CARMIL1: variants seen among roughly 807,000 people sequenced by gnomAD.
CARMIL1 encodes the protein F-actin-uncapping protein LRRC16A.
CARMIL1 carries 90 observed loss-of-function variants against 177.1 expected under a neutral mutation model. That is an observed-to-expected ratio of 0.51 (90% confidence interval 0.43 to 0.61). The LOEUF is 0.61. CARMIL1 is among the 20% of genes least tolerant of loss of function. CARMIL1 has a pLI of 0.00. For missense variants in CARMIL1, 1,380 were observed against 1,667.0 expected (o/e 0.83, Z 3.00); for synonymous variants, 577 against 606.2 (o/e 0.95, Z 0.71).
At chr6:25,500,883 C>T (rs1345725003) in intron 17 of CARMIL1, among the ~76,000 whole-genome samples, 1 of 151,868 alleles carries the variant, frequency 6.6e-6, no homozygotes, top group Non-Finnish European at 1.5e-5. Flanking sequence ...CCTCAGCCTC[C>T]CAAGCAGCTG....
intron 8 of CARMIL1, among the ~76,000 whole-genome samples, chr6:25,455,910 C>G (rs1799477324): frequency 6.6e-6 from 1 of 152,136 alleles, no homozygotes. Flanking sequence ...GTGTGGGAAC[C>G]CATCACCACA....
chr6:25,285,830 A>G (rs1178193824), intron 2 of CARMIL1, among the ~76,000 whole-genome samples: 1 of 152,032 alleles, frequency 6.6e-6, no homozygotes, highest in African/African-American at 2.4e-5. Context: ...GAGAATTTTA[A>G]AACAAATCCC....
chr6:25,589,254 T>C lies in CARMIL1; in HGVS notation c.3007-5161T>C, dbSNP rs575057806. On this transcript the variant is annotated intron_variant, in intron 31 of 36. Transcript: ENST00000329474. ...AAACTCTTACTGTATAGCTTGAACTTAGCCATCTTGTTTCAGTCTTCTGGA... is the reference window on the plus strand; with the variant it reads ...AAACTCTTACTGTATAGCTTGAACTCAGCCATCTTGTTTCAGTCTTCTGGA... Among the ~76,000 whole-genome samples, 3 of 152,366 alleles carry C rather than the reference T, an allele frequency of 2.0e-5. No homozygotes were observed. In the East Asian group the frequency reaches 5.8e-4, roughly 29 times the overall value.
At chr6:25,399,074 G>A (rs146990985) in intron 2 of CARMIL1, among the ~76,000 whole-genome samples, 1 of 152,162 alleles carries the variant, frequency 6.6e-6, no homozygotes, top group African/African-American at 2.4e-5. Context: ...GCTCACAGAT[G>A]GTTCAAAAAA....
intron 2 of CARMIL1, among the ~76,000 whole-genome samples, chr6:25,408,484 C>T (rs963667938): frequency 1.0e-4 from 15 of 150,570 alleles, no homozygotes; most frequent in African/African-American, 3.4e-4. Context: ...CACTGACTAT[C>T]GCCAACACTT....
chr6:25,468,618 T>C (rs1467682497), intron 9 of CARMIL1, among the ~76,000 whole-genome samples: 1 of 152,226 alleles, frequency 6.6e-6, no homozygotes, highest in Non-Finnish European at 1.5e-5. Flanking sequence ...CACATTATAC[T>C]TAGTAGCTAG....
chr6:25,466,965 C>T (rs1800659386), intron 9 of CARMIL1, among the ~76,000 whole-genome samples: 1 of 152,164 alleles, frequency 6.6e-6, no homozygotes, highest in African/African-American at 2.4e-5. Flanking sequence ...GCCTCAGCTT[C>T]CTGCACACCT....
chr6:25,310,954 G>A (rs1437448810), intron 2 of CARMIL1, among the ~76,000 whole-genome samples: 2 of 152,110 alleles, frequency 1.3e-5, no homozygotes, highest in African/African-American at 4.8e-5. Context: ...GCCAAGGTGG[G>A]TGGATCACCT....
intron 2 of CARMIL1, among the ~76,000 whole-genome samples, chr6:25,292,199 T>C (rs1269039619): frequency 6.6e-6 from 1 of 152,226 alleles, no homozygotes; most frequent in African/African-American, 2.4e-5. Context: ...GTTGGGTAAT[T>C]TGAACAGTTG....
chr6:25,485,234 G>A (rs1802513603), intron 12 of CARMIL1, among the ~76,000 whole-genome samples: 1 of 152,070 alleles, frequency 6.6e-6, no homozygotes, highest in South Asian at 2.1e-4. Context: ...TAACAGTGGG[G>A]AGGTCCTACG....
At chr6:25,480,305 G>A (rs1231738227) in intron 11 of CARMIL1, among the ~76,000 whole-genome samples, 1 of 152,006 alleles carries the variant, frequency 6.6e-6, no homozygotes, top group Non-Finnish European at 1.5e-5. Context: ...TATGTAATAT[G>A]TGTATTTTCC....
chr6:25,485,709 A>G (rs552003244), intron 12 of CARMIL1, among the ~76,000 whole-genome samples: 88 of 152,384 alleles, frequency 5.8e-4, no homozygotes, highest in African/African-American at 2.1e-3. Context: ...TGCTGGGATT[A>G]CAGGCATGAG....
intron 31 of CARMIL1, among the ~76,000 whole-genome samples, chr6:25,586,531 C>T (rs1312331872): frequency 6.6e-6 from 1 of 151,264 alleles, no homozygotes; most frequent in East Asian, 2.0e-4. Context: ...GGCAGAGACG[C>T]TCCTCACTTC....
chr6:25,534,683 AT>A (rs199861806), intron 24 of CARMIL1, among the ~76,000 whole-genome samples: 2 of 152,174 alleles, frequency 1.3e-5, no homozygotes, highest in Non-Finnish European at 2.9e-5. Flanking sequence ...AGTGAAGAAA[AT>A]AAAATGTTCA....
intron 29 of CARMIL1, 82 bp from the exon 30 acceptor site, chr6:25,580,842 G>T: frequency 9.6e-7 from 1 of 1,045,678 alleles, no homozygotes; most frequent in South Asian, 1.4e-5. Context: ...TTAAACAGTC[G>T]ATCCAGAATG....
chr6:25,615,289 T>C (rs2151348067), intron 36 of CARMIL1, among the ~76,000 whole-genome samples: 1 of 152,364 alleles, frequency 6.6e-6, no homozygotes. Flanking sequence ...CAGAGGCTAT[T>C]GTTCTCAAAT....
chr6:25,502,424 G>A (rs927538952), intron 17 of CARMIL1, among the ~76,000 whole-genome samples: 1 of 151,682 alleles, frequency 6.6e-6, no homozygotes, highest in African/African-American at 2.4e-5. Context: ...GTGTGGTGGC[G>A]GGTGCCTGTA....
intron 12 of CARMIL1, among the ~76,000 whole-genome samples, chr6:25,486,836 C>T (rs1343436917): frequency 6.6e-6 from 1 of 152,066 alleles, no homozygotes; most frequent in African/African-American, 2.4e-5. Context: ...GCCTGGTACA[C>T]AGTAGGATTT....
At chr6:25,556,905 T>A (rs75060156) in intron 29 of CARMIL1, 55 bp downstream of exon 29, 1 of 886,550 alleles carries the variant, frequency 1.1e-6, no homozygotes, top group African/African-American at 3.9e-5. Context: ...TGTGCCATTG[T>A]TTTTTTTTTT....
Sources: allele counts gnomAD v4.1 joint callset (sites outside exome capture counted in the v4.1 genomes callset), GRCh38; gene constraint gnomAD v4.1.1; transcripts MANE v1.5; gene names NCBI Gene and HGNC (gene_info 2026-07-23, HGNC 2026-07-21).